JPH1: variants seen among roughly 807,000 people sequenced by gnomAD.
JPH1 encodes the protein junctophilin 1.
In JPH1, 12 loss-of-function variants were observed where a neutral mutation model predicts 53.6. The observed-to-expected ratio is 0.22, with a 90% CI of 0.14 to 0.36. The LOEUF is 0.36. JPH1 is among the 10% of genes least tolerant of loss of function. JPH1 has a pLI of 1.00. For missense variants in JPH1, 808 were observed against 905.5 expected (o/e 0.89, Z 1.38); for synonymous variants, 375 against 363.8 (o/e 1.03, Z -0.35).
At chr8:74,283,069 T>C (rs972463587) in intron 2 of JPH1, among the ~76,000 whole-genome samples, 46 of 152,226 alleles carry the variant, frequency 3.0e-4, no homozygotes, top group African/African-American at 1.1e-3. Flanking sequence ...CTTGTGACAG[T>C]AGGGTGTTAG....
At chr8:74,244,000 G>T (rs1460422851) in intron 4 of JPH1, among the ~76,000 whole-genome samples, 2 of 152,194 alleles carry the variant, frequency 1.3e-5, no homozygotes, top group Non-Finnish European at 2.9e-5. Context: ...AAATGTTCTA[G>T]CTGCAAAGCC....
Position 74,321,229 on chromosome 8 carries a change from T to C in JPH1, c.59A>G (p.Glu20Gly). The change falls in exon 1 of 6, where the codon GAG becomes GGG. Residue 20 changes from glutamate (E) to glycine (G), a missense_variant. By Grantham distance (98) the Glu-to-Gly change is moderately conservative (BLOSUM62 -2). This residue lies in a region of JPH1 where 52 missense variants were observed against 93.6 expected (regional missense o/e 0.56). Coordinates refer to ENST00000342232, the MANE Select transcript of JPH1 (RefSeq NM_020647.4). This position sits in a 1 kb window ranked among gnomAD's most constrained non-coding sequence, Gnocchi z 4.3. ...DGGTYCGGWE[E>G]GKAHGHGICT... ...GATGCCATGCCCGTGCGCCTTGCCC[T>C]CCTCCCAGCCGCCGCAGTAGGTGCC... 1 of 1,606,896 alleles carries C rather than the reference T, an allele frequency of 6.2e-7. No individual in the cohort carries two copies. Among genetic ancestry groups the C allele is most frequent in the Non-Finnish European group, 8.5e-7 (1 of 1,177,210 alleles).
chr8:74,236,966 C>T lies in JPH1; in HGVS notation c.*85G>A. On this transcript the variant is annotated 3_prime_UTR_variant, in exon 6 of 6. Coordinates refer to ENST00000342232, the MANE Select transcript of JPH1 (RefSeq NM_020647.4). ...TGTGTCTGAGTCTGCCTGGGGTGGG[C>T]CATTTAAAGGGCTGACGGCACCACT... 1 of 341,846 alleles carries T rather than the reference C, an allele frequency of 2.9e-6. No homozygotes were observed. Among genetic ancestry groups the T allele is most frequent in the South Asian group, 5.5e-5 (1 of 18,180 alleles). The allele number at this position is 341,846 out of a possible 1,614,324, so 21.2% of individuals were successfully genotyped here.
intron 2 of JPH1, among the ~76,000 whole-genome samples, chr8:74,305,160 C>T (rs1807796375): frequency 6.6e-6 from 1 of 152,216 alleles, no homozygotes; most frequent in African/African-American, 2.4e-5. Context: ...AGAAAAGCAT[C>T]TCAAAGATTT....
intron 1 of JPH1, among the ~76,000 whole-genome samples, chr8:74,318,901 A>T (rs2131470289): frequency 6.6e-6 from 1 of 152,318 alleles, no homozygotes; most frequent in African/African-American, 2.4e-5. Context: ...CTAATGAAAT[A>T]GTTACATATG....
At chr8:74,270,104 C>T (rs542308221) in intron 2 of JPH1, among the ~76,000 whole-genome samples, 2 of 149,944 alleles carry the variant, frequency 1.3e-5, no homozygotes, top group Non-Finnish European at 2.9e-5. Flanking sequence ...TTTTTTTTAA[C>T]GAGTTTCGGC....
At chr8:74,274,721 C>G (rs557189500) in intron 2 of JPH1, among the ~76,000 whole-genome samples, 1 of 152,296 alleles carries the variant, frequency 6.6e-6, no homozygotes, top group African/African-American at 2.4e-5. Flanking sequence ...GGCTTGTAAA[C>G]TTTCACAGTT....
At position 74,320,731 on chromosome 8, in the gene JPH1, C is replaced by G. The variant is rs1035317225; in HGVS notation, c.379+178G>C. On this transcript the variant is annotated intron_variant, in intron 1 of 5. Coordinates refer to ENST00000342232, the MANE Select transcript of JPH1 (RefSeq NM_020647.4). This position sits in a 1 kb window ranked among gnomAD's most constrained non-coding sequence, Gnocchi z 4.4. ...CAGATCCAGCCCTCGCGCCCCAGTC[C>G]GGTCCCAGCGCCCTCTCTGGGAAAG... 6.6e-6 allele frequency among the ~76,000 whole-genome samples: 1 copy of G among 152,162 alleles called. No individual in the cohort carries two copies. The highest frequency in any genetic ancestry group is 2.4e-5 in the African/African-American group (1 of 41,468).
rs375048339 is a variant in JPH1 at position 74,249,440 on chromosome 8, C to T, written c.1259-4265G>A. ...CCTTTCCTATAGGACTTCACAGTCC[C>T]GTCTATAACAATCCTGCAATTTCTG... On this transcript the variant is annotated intron_variant, in intron 3 of 5. Transcript: ENST00000342232. 1.2e-4 allele frequency among the ~76,000 whole-genome samples: 18 copies of T among 152,136 alleles called. No individual in the cohort carries two copies. The East Asian group carries it at 1.9e-3, about 16-fold the overall frequency.
chr8:74,293,504 C>T (rs1807402167), intron 2 of JPH1, among the ~76,000 whole-genome samples: 1 of 152,166 alleles, frequency 6.6e-6, no homozygotes, highest in African/African-American at 2.4e-5. Context: ...TTGCTCAAGG[C>T]CACTTAAAGT....
Position 74,315,388 on chromosome 8 carries a change from C to T in JPH1, c.612G>A (p.Ala204=), listed in dbSNP as rs771740296. 14 of 1,612,440 alleles carry T rather than the reference C, an allele frequency of 8.7e-6. No individual in the cohort carries two copies. The highest frequency in any genetic ancestry group is 6.7e-5 in the East Asian group (3 of 44,882). ...GGAAGAGGCCGCCCTTCTTCTTGCC[C>T]GCTAGCTCAGCGTCTGCGTGGAAGT... ...VLNFHADAEL[A]GKKKGGLFRR... The change falls in exon 2 of 6, where the codon GCG becomes GCA. Residue 204 remains alanine (A), a synonymous_variant. Transcript: ENST00000342232. The surrounding 1 kb of genome is among the most constrained non-coding windows in gnomAD (Gnocchi z 6.3).
intron 2 of JPH1, among the ~76,000 whole-genome samples, chr8:74,297,767 T>C (rs1807562301): frequency 6.6e-6 from 1 of 152,236 alleles, no homozygotes; most frequent in African/African-American, 2.4e-5. Context: ...CATTCTTTTA[T>C]ATAAACGTAG....
chr8:74,269,140 C>T (rs940976763), intron 2 of JPH1, among the ~76,000 whole-genome samples: 11 of 152,212 alleles, frequency 7.2e-5, no homozygotes, highest in Admixed American at 5.9e-4. Flanking sequence ...CAGTCTGCTA[C>T]CTCACTTTGT....
intron 3 of JPH1, among the ~76,000 whole-genome samples, chr8:74,255,634 G>A (rs1406694273): frequency 2.0e-5 from 3 of 152,096 alleles, no homozygotes; most frequent in African/African-American, 7.2e-5. Flanking sequence ...GAAAATTTTT[G>A]CAACCTACTC....
chr8:74,238,706 G>A (rs1057026748), intron 4 of JPH1, among the ~76,000 whole-genome samples: 2 of 152,208 alleles, frequency 1.3e-5, no homozygotes, highest in East Asian at 1.9e-4. Context: ...CACCCAGACT[G>A]GAATGCAGTG....
chr8:74,252,441 T>C (rs1806093527), intron 3 of JPH1, among the ~76,000 whole-genome samples: 1 of 151,956 alleles, frequency 6.6e-6, no homozygotes, highest in Non-Finnish European at 1.5e-5. Context: ...AGGGCTAATA[T>C]CCAGAATCTA....
chr8:74,307,071 T>G (rs1235425997), intron 2 of JPH1, among the ~76,000 whole-genome samples: 3 of 152,320 alleles, frequency 2.0e-5, no homozygotes, highest in Non-Finnish European at 2.9e-5. Flanking sequence ...TGATACATGC[T>G]CACATCTGCA....
At chr8:74,255,048 C>A (rs929789171) in intron 3 of JPH1, among the ~76,000 whole-genome samples, 12 of 152,198 alleles carry the variant, frequency 7.9e-5, no homozygotes, top group Middle Eastern at 6.8e-3. Context: ...AAACTACTTT[C>A]AAGTTCATAT....
At chr8:74,312,716 T>C (rs1314069557) in intron 2 of JPH1, among the ~76,000 whole-genome samples, 2 of 152,204 alleles carry the variant, frequency 1.3e-5, no homozygotes, top group East Asian at 1.9e-4. Context: ...CATTTTACTC[T>C]ATGTTTCTAT....
Sources: gnomAD v4.1 joint callset for allele counts (sites outside exome capture counted in the v4.1 genomes callset) on GRCh38, gnomAD v4.1.1 for gene constraint, gnomAD v4.1.1 regional missense constraint, Gnocchi (gnomAD v3.1) non-coding constraint, MANE v1.5 for transcripts, NCBI Gene and HGNC (gene_info 2026-07-23, HGNC 2026-07-21) for gene names.